The following CEP250 variants were observed in gnomAD, a reference collection of about 807,000 sequenced individuals.
CEP250 encodes the protein centrosomal protein 250.
In CEP250, 242 loss-of-function variants were observed where a neutral mutation model predicts 315.7. That is an observed-to-expected ratio of 0.77 (90% CI 0.69 to 0.85). The LOEUF (loss-of-function observed/expected upper bound fraction) is 0.85, where lower values mean the gene tolerates loss of function less well. Among genes scored for constraint, CEP250 ranks in the 40% least tolerant of loss-of-function variants. The pLI, the probability that CEP250 is intolerant of heterozygous loss-of-function variation, is 0.00. For missense variants in CEP250, 2,515 were observed against 2,886.4 expected, an observed-to-expected ratio of 0.87 and a Z score of 2.95; for synonymous variants, 1,088 against 1,175.0, an observed-to-expected ratio of 0.93 and a Z score of 1.51.
rs1212976139 is a variant in CEP250, at chr20:35,516,889, C to T, written c.*5263C>T. The T allele has an allele frequency of 4.5e-6, 3 of 669,054 alleles. No individual in the cohort carries two copies. Among genetic ancestry groups the T allele is most frequent in the African/African-American group, 3.9e-5 (2 of 51,040 alleles). 41.4% of individuals were successfully genotyped at this position (669,054 alleles called of 1,614,324 possible). A position where few individuals can be genotyped will look rare whatever the true frequency, so the allele number is the denominator to read the frequency against. On this transcript the variant is annotated 3_prime_UTR_variant, in exon 35 of 35. Coordinates refer to ENST00000397527, the MANE Select transcript of CEP250 (RefSeq NM_007186.6). ...CAATGGCAGGTGTTATCCATTCATT[C>T]AGGTTAGACCTCTGAGCAGACGGCA...
chr20:35,491,004 C>G (rs1251325349), intron 21 of CEP250, 200 bp downstream of exon 21: 4 of 782,778 alleles, frequency 5.1e-6, no homozygotes, highest in Non-Finnish European at 8.1e-6. Context: ...TGAGGGAGGG[C>G]TGACATGTAC....
chr20:35,495,161 C>G (rs1601261405), intron 24 of CEP250, among the ~76,000 whole-genome samples: 1 of 152,154 alleles, frequency 6.6e-6, no homozygotes, highest in African/African-American at 2.4e-5. Flanking sequence ...GGCCGTGAGG[C>G]AGATAAAAGT....
At chr20:35,457,996 G>T (rs1428072879) in intron 1 of CEP250, among the ~76,000 whole-genome samples, 3 of 152,176 alleles carry the variant, frequency 2.0e-5, no homozygotes, top group Non-Finnish European at 4.4e-5. Context: ...GGAGCTGCAT[G>T]CTAATTTGTT....
chr20:35,466,175 A>G lies in CEP250; in HGVS notation c.463A>G (p.Lys155Glu), dbSNP rs759279138. 1.2e-5 allele frequency: 19 copies of G among 1,605,060 alleles called. No individual in the cohort carries two copies. Among genetic ancestry groups the G allele is most frequent in the Non-Finnish European group, 1.4e-5 (17 of 1,175,034 alleles). The change falls in exon 7 of 35, where the codon AAG (lysine) becomes GAG (glutamate). Residue 155 changes from lysine (K) to glutamate (E), a missense_variant. Lys to Glu is a moderately conservative substitution (Grantham distance 56). Transcript: ENST00000397527. ...WSRARDELMR[K>E]ESQWQMEQEF... Reference sequence around the variant, plus strand: ...CCGGGCCCGGGATGAGCTAATGAGGAAGGAGAGCCAGTGGCAGATGGAGCA... The same window carrying G: ...CCGGGCCCGGGATGAGCTAATGAGGGAGGAGAGCCAGTGGCAGATGGAGCA...
At position 35,467,496 on chromosome 20, in the gene CEP250, C is replaced by G. The variant is rs767775664; in HGVS notation, c.792C>G (p.Ser264Arg). The change falls in exon 9 of 35, where the codon AGC (serine) becomes AGG (arginine). Residue 264 changes from serine to arginine, a missense_variant. Ser to Arg is a moderately radical substitution (Grantham distance 110, BLOSUM62 -1). Coordinates refer to ENST00000397527, the MANE Select transcript of CEP250 (RefSeq NM_007186.6). ...TGGAGAAGGAAGCCCATGAAAGGAG[C>G]CAGGAGTTAATACAGCTGAAGAGTC... ...QELEKEAHER[S>R]QELIQLKSQG... 6.2e-7 allele frequency: 1 copy of G among 1,614,068 alleles called. No homozygotes were observed.
In CEP250 at chr20:35,467,084, GAGA is replaced by G. The variant is rs1568760924; in HGVS notation, c.599+18_599+20del. The G allele has an allele frequency of 3.9e-6, 6 of 1,553,704 alleles. No individual in the cohort carries two copies. Among genetic ancestry groups the G allele is most frequent in the East Asian group, 4.8e-5 (2 of 41,426 alleles). On this transcript the variant is annotated intron_variant, in intron 8 of 34. Transcript: ENST00000397527. ...TCAGCTACTGACAGGTCAGTGTGGG[GAGA>G]AGAAGGGAGGAGGTTTGCCCCTACC...
chr20:35,491,014 C>T (rs892773874), intron 21 of CEP250, 198 bp from the exon 22 acceptor site: 25 of 794,748 alleles, frequency 3.1e-5, no homozygotes, highest in Non-Finnish European at 5.0e-5. Context: ...CTGACATGTA[C>T]CACATCCTGT....
intron 20 of CEP250, among the ~76,000 whole-genome samples, chr20:35,485,826 T>G (rs897543995): frequency 4.1e-5 from 6 of 146,254 alleles, no homozygotes; most frequent in African/African-American, 1.5e-4. Context: ...GGCTAAGTTT[T>G]TTTTTTTTTT....
intron 17 of CEP250, 49 bp downstream of exon 17, chr20:35,478,150 A>C: frequency 3.7e-5 from 44 of 1,191,262 alleles, no homozygotes; most frequent in Non-Finnish European, 5.2e-5. Flanking sequence ...ATATATGCTC[A>C]TTATAAAAAA....
chr20:35,510,401 C>T (rs922376384), intron 34 of CEP250, among the ~76,000 whole-genome samples: 1 of 152,164 alleles, frequency 6.6e-6, no homozygotes, highest in Non-Finnish European at 1.5e-5. Flanking sequence ...TGCCAGTGCC[C>T]CAGACAGAGG....
intron 20 of CEP250, among the ~76,000 whole-genome samples, chr20:35,483,968 G>A (rs991158361): frequency 1.3e-5 from 2 of 150,958 alleles, no homozygotes; most frequent in Non-Finnish European, 3.0e-5. Flanking sequence ...ATTTTTTTCA[G>A]TCTGTTTTCC....
At chr20:35,493,020 G>A (rs112468451) in intron 22 of CEP250, among the ~76,000 whole-genome samples, 4 of 152,160 alleles carry the variant, frequency 2.6e-5, no homozygotes, top group South Asian at 4.1e-4. Context: ...GAGCCACCGC[G>A]CCTGGGCAGT....
intron 16 of CEP250, among the ~76,000 whole-genome samples, chr20:35,477,032 T>C (rs912820123): frequency 6.6e-6 from 1 of 150,488 alleles, no homozygotes; most frequent in Non-Finnish European, 1.5e-5. Flanking sequence ...TTTTTTGAGA[T>C]GGAGTTTTGC....
In CEP250 at chr20:35,503,362, G is replaced by A. The variant is rs2064074772; in HGVS notation, c.4993G>A (p.Glu1665Lys). 3 of 1,614,162 alleles carry A rather than the reference G, an allele frequency of 1.9e-6. No homozygotes were observed. The highest frequency in any genetic ancestry group is 1.6e-4 in the Middle Eastern group (1 of 6,062). ...AGACCAGGAGCTGATGCTGCAGAAG[G>A]AGAGGATTCAGGTTCTCGAGGATCA... ...RRDQELMLQK[E>K]RIQVLEDQRT... Residue 1665 changes from glutamate (E) to lysine (K), a missense_variant, in exon 30 of 35, where the codon GAG becomes AAG. Physicochemically the swap from Glu to Lys is moderately conservative, Grantham distance 56. Coordinates refer to ENST00000397527, the MANE Select transcript of CEP250 (RefSeq NM_007186.6). This position sits in a 1 kb window ranked among gnomAD's most constrained non-coding sequence, Gnocchi z 4.2.
chr20:35,518,612 A>G lies in CEP250; in HGVS notation c.*6986A>G, dbSNP rs143451786. 122 of 152,294 alleles carry G rather than the reference A, an allele frequency of 8.0e-4. 2 individuals are homozygous for G. The highest frequency in any genetic ancestry group is 2.6e-3 in the African/African-American group (106 of 41,562). The allele number at this position is 152,294 out of a possible 1,614,324, so 9.4% of individuals were successfully genotyped here. A position where few individuals can be genotyped will look rare whatever the true frequency, so the allele number is the denominator to read the frequency against. On this transcript the variant is annotated 3_prime_UTR_variant, in exon 35 of 35. Coordinates refer to ENST00000397527, the MANE Select transcript of CEP250 (RefSeq NM_007186.6). ...TCATTATGAGCTCAAAGTTTTTTAT[A>G]TATTCACTATGATTCAATCATGACA...
chr20:35,491,340 G>C lies in CEP250; in HGVS notation c.2883G>C (p.Lys961Asn). ...AGGACATGAAAGTCCAGAAATTAAA[G>C]GAGCAGGTATGGAGGGTGGTCTCGG... is the stretch of plus-strand genomic sequence containing the variant. ...LRQDMKVQKLKEQETTGILQT... is the reference protein window; with the variant it reads ...LRQDMKVQKLNEQETTGILQT... Residue 961 changes from lysine to asparagine, a missense_variant, in exon 22 of 35, where the codon AAG becomes AAC. Transcript: ENST00000397527. 6.3e-7 allele frequency: 1 copy of C among 1,589,258 alleles called. No individual in the cohort carries two copies. Among genetic ancestry groups the C allele is most frequent in the South Asian group, 1.1e-5 (1 of 87,488 alleles).
At chr20:35,485,199 T>TC (rs1214973493) in intron 20 of CEP250, among the ~76,000 whole-genome samples, 1 of 151,148 alleles carries the variant, frequency 6.6e-6, no homozygotes, top group Non-Finnish European at 1.5e-5. Flanking sequence ...ATGGTGAAAC[T>TC]CCATCTCTAC....
chr20:35,491,651 C>T (rs2063698079), intron 22 of CEP250, among the ~76,000 whole-genome samples: 1 of 152,084 alleles, frequency 6.6e-6, no homozygotes, highest in South Asian at 2.1e-4. Context: ...CCCTGTAATC[C>T]CAGCACATTG....
rs941939239 is a variant in CEP250 at position 35,478,196 on chromosome 20, A to G, written c.2094+95A>G. On this transcript the variant is annotated intron_variant, in intron 17 of 34. Transcript: ENST00000397527. ...ACAGAAATTATCTGGAAAGTGAAAA[A>G]GTCTTACTTCCTAGAAATGACCAGT... 1.7e-5 allele frequency: 14 copies of G among 837,332 alleles called. No homozygotes were observed. In the African/African-American group the frequency reaches 1.9e-4, roughly 11 times the overall value. The allele number at this position is 837,332 out of a possible 1,614,324, so 51.9% of individuals were successfully genotyped here.
Sources: gnomAD v4.1 joint callset for allele counts (sites outside exome capture counted in the v4.1 genomes callset) on GRCh38, gnomAD v4.1.1 for gene constraint, Gnocchi (gnomAD v3.1) non-coding constraint, MANE v1.5 for transcripts, NCBI Gene and HGNC (gene_info 2026-07-23, HGNC 2026-07-21) for gene names.